AP4E1: variants seen among roughly 807,000 people sequenced by gnomAD.
The protein encoded by AP4E1 is AP-4 complex subunit epsilon-1.
In AP4E1, 56 loss-of-function variants were observed where a neutral mutation model predicts 128.2. That is an observed-to-expected ratio of 0.44 (90% confidence interval 0.35 to 0.55). The LOEUF (loss-of-function observed/expected upper bound fraction) is 0.55. Ranked by LOEUF, AP4E1 falls within the 20% of genes least tolerant of loss-of-function variation. The pLI is 0.00. For missense variants in AP4E1, 1,324 were observed against 1,307.7 expected, an observed-to-expected ratio of 1.01 and a Z score of -0.19; for synonymous variants, 484 against 473.1, an observed-to-expected ratio of 1.02 and a Z score of -0.30.
chr15:50,967,100 C>T (rs190303076), intron 14 of AP4E1, among the ~76,000 whole-genome samples: 16 of 152,268 alleles, frequency 1.1e-4, no homozygotes, highest in East Asian at 5.8e-4. Flanking sequence ...ATTCTCCTAA[C>T]GCTTTTCCTG....
intron 13 of AP4E1, among the ~76,000 whole-genome samples, chr15:50,955,901 C>T (rs187215269): frequency 6.6e-6 from 1 of 152,242 alleles, no homozygotes. Context: ...GTGGGTGGGG[C>T]TGCAGATTTT....
chr15:50,980,819 C>T (rs1249087884), intron 15 of AP4E1, among the ~76,000 whole-genome samples: 1 of 152,112 alleles, frequency 6.6e-6, no homozygotes, highest in Non-Finnish European at 1.5e-5. Context: ...GCTTGACCTG[C>T]TACTCCAGAA....
At chr15:50,954,786 C>T (rs1203744717) in intron 13 of AP4E1, among the ~76,000 whole-genome samples, 1 of 152,102 alleles carries the variant, frequency 6.6e-6, no homozygotes, top group African/African-American at 2.4e-5. Context: ...TGTTGATGTG[C>T]TGCACCCATT....
At chr15:50,964,955 CCACACA>C (rs55825810) in intron 14 of AP4E1, among the ~76,000 whole-genome samples, 3,163 of 131,442 alleles carry the variant, frequency 0.024, 54 homozygotes, top group Non-Finnish European at 0.035. Context: ...CCTCCCCCTA[CCACACA>C]CACACACACA....
In AP4E1 at chr15:50,955,695, G is replaced by T. The variant is rs115701110; in HGVS notation, c.1549-2797G>T. On this transcript the variant is annotated intron_variant, in intron 13 of 20. Coordinates refer to ENST00000261842, the MANE Select transcript of AP4E1 (RefSeq NM_007347.5). ...GGCAGGGACACTGTATTTCTCCTTGGTGGAGGTGAGGTGCAGGCTCCCTGC... is the reference window on the plus strand; with the variant it reads ...GGCAGGGACACTGTATTTCTCCTTGTTGGAGGTGAGGTGCAGGCTCCCTGC... Among the ~76,000 whole-genome samples, 326 of 152,312 alleles carry T rather than the reference G, an allele frequency of 2.1e-3. 2 individuals carry two copies. Among genetic ancestry groups the T allele is most frequent in the African/African-American group, 7.6e-3 (316 of 41,566 alleles).
intron 15 of AP4E1, among the ~76,000 whole-genome samples, chr15:50,978,626 C>T (rs1036305245): frequency 1.3e-5 from 2 of 152,150 alleles, no homozygotes; most frequent in Non-Finnish European, 1.5e-5. Flanking sequence ...AATACTTCAG[C>T]GGCTCCCAAC....
Position 50,949,841 on chromosome 15 carries a change from T to C in AP4E1, c.1332T>C (p.Asn444=). The change falls in exon 12 of 21, where the codon AAT becomes AAC. Residue 444 remains asparagine, a synonymous_variant. Coordinates refer to ENST00000261842, the MANE Select transcript of AP4E1 (RefSeq NM_007347.5). Reference sequence around the variant, plus strand: ...CTGTGGACACATATGCTCCTGATAATGCATGGTTTATTCAGACAATGAATG... The same window carrying C: ...CTGTGGACACATATGCTCCTGATAACGCATGGTTTATTCAGACAATGAATG... ...AELAEKYAPD[N]AWFIQTMNAV... 1 of 1,612,940 alleles carries C rather than the reference T, an allele frequency of 6.2e-7. No homozygotes were observed.
chr15:50,920,806 ATCT>A (rs1323992338), intron 3 of AP4E1, among the ~76,000 whole-genome samples: 1 of 152,078 alleles, frequency 6.6e-6, no homozygotes, highest in Non-Finnish European at 1.5e-5. Flanking sequence ...TTTTATTTGT[ATCT>A]TCTTCTGAGA....
At chr15:50,982,531 T>A (rs962981397) in intron 15 of AP4E1, among the ~76,000 whole-genome samples, 4 of 152,172 alleles carry the variant, frequency 2.6e-5, no homozygotes, top group African/African-American at 9.6e-5. Context: ...CTTGGGAGAT[T>A]CAGTGAAGTA....
chr15:50,908,518 C>T, upstream of AP4E1: 2 of 405,628 alleles, frequency 4.9e-6, no homozygotes, highest in East Asian at 4.5e-5. Context: ...ATTCCGGAAC[C>T]GCTACCCCGT....
Position 50,958,573 on chromosome 15 carries a change from G to A in AP4E1, c.1630G>A (p.Asp544Asn). 6.2e-7 allele frequency: 1 copy of A among 1,614,082 alleles called. No homozygotes were observed. The highest frequency in any genetic ancestry group is 8.5e-7 in the Non-Finnish European group (1 of 1,179,996). ...TAAGCTCTACAAGTTACTTATGAAT[G>A]ACTCTGTGTCTTCAGAAACAAAAGC... The part of the protein sequence containing the change: ...IAKLYKLLMN[D>N]SVSSETKAWL... Residue 544 changes from aspartate to asparagine, a missense_variant, in exon 14 of 21, where the codon GAC becomes AAC. Physicochemically the swap from Asp to Asn is conservative, Grantham distance 23 (BLOSUM62 1). Coordinates refer to ENST00000261842, the MANE Select transcript of AP4E1 (RefSeq NM_007347.5).
intron 14 of AP4E1, among the ~76,000 whole-genome samples, chr15:50,963,711 A>G (rs2064348280): frequency 6.6e-6 from 1 of 152,236 alleles, no homozygotes; most frequent in Non-Finnish European, 1.5e-5. Context: ...TAAAGAGAAG[A>G]TTTGAAATGT....
At chr15:50,991,987 A>G (rs953602829) in intron 16 of AP4E1, among the ~76,000 whole-genome samples, 1 of 145,124 alleles carries the variant, frequency 6.9e-6, no homozygotes, top group Non-Finnish European at 1.5e-5. Context: ...TTTTAACTCC[A>G]GTGTTATTGA....
intron 14 of AP4E1, among the ~76,000 whole-genome samples, chr15:50,959,177 C>A (rs1340505762): frequency 6.6e-6 from 1 of 151,244 alleles, no homozygotes; most frequent in Non-Finnish European, 1.5e-5. Context: ...CACCATTGCA[C>A]TCCAGCCTGG....
At chr15:50,961,065 A>G (rs1317074907) in intron 14 of AP4E1, among the ~76,000 whole-genome samples, 1 of 152,116 alleles carries the variant, frequency 6.6e-6, no homozygotes, top group Admixed American at 6.5e-5. Context: ...CCAAGATTGC[A>G]CAAGGAAGAA....
At chr15:50,979,259 G>A (rs146829945) in intron 15 of AP4E1, among the ~76,000 whole-genome samples, 2 of 152,258 alleles carry the variant, frequency 1.3e-5, no homozygotes, top group East Asian at 3.9e-4. Flanking sequence ...GTCAAAACCC[G>A]TATTTAAATT....
At chr15:50,990,763 T>C (rs781569771) in intron 16 of AP4E1, among the ~76,000 whole-genome samples, 8 of 152,084 alleles carry the variant, frequency 5.3e-5, no homozygotes, top group Non-Finnish European at 1.0e-4. Context: ...GCAGATGAAA[T>C]AAATAAGAAA....
intron 13 of AP4E1, among the ~76,000 whole-genome samples, chr15:50,956,786 T>C (rs1307755096): frequency 6.6e-6 from 1 of 152,214 alleles, no homozygotes; most frequent in Non-Finnish European, 1.5e-5. Context: ...GAGCCAACCA[T>C]ATCAGAGAGA....
Position 50,984,148 on chromosome 15 carries a change from A to G in AP4E1, c.2090+3A>G. On this transcript the variant is annotated splice_donor_region_variant and intron_variant, in intron 16 of 20. Transcript: ENST00000261842. ...AGTGCTGAGACAGGACTGAAAGAGTAAGTTCATTTCTTATTAAAATTGAGG... is the reference window on the plus strand; with the variant it reads ...AGTGCTGAGACAGGACTGAAAGAGTGAGTTCATTTCTTATTAAAATTGAGG... 1 of 1,612,894 alleles carries G rather than the reference A, an allele frequency of 6.2e-7. No individual in the cohort carries two copies. Among genetic ancestry groups the G allele is most frequent in the Non-Finnish European group, 8.5e-7 (1 of 1,179,170 alleles).
Sources: gnomAD v4.1 joint callset for allele counts (sites outside exome capture counted in the v4.1 genomes callset) on GRCh38, gnomAD v4.1.1 for gene constraint, MANE v1.5 for transcripts, NCBI Gene and HGNC (gene_info 2026-07-23, HGNC 2026-07-21) for gene names.